DNAH3: variants seen among roughly 807,000 people sequenced by gnomAD.
DNAH3 encodes the protein dynein axonemal heavy chain 3.
In DNAH3, 332 loss-of-function variants were observed where a neutral mutation model predicts 432.5. That is an observed-to-expected ratio of 0.77 (90% CI 0.70 to 0.84). DNAH3 has a LOEUF of 0.84. Among genes scored for constraint, DNAH3 ranks in the 40% least tolerant of loss-of-function variants. The pLI, the probability that DNAH3 is intolerant of heterozygous loss-of-function variation, is 0.00. For synonymous variants in DNAH3, 1,956 were observed against 1,900.2 expected, an observed-to-expected ratio of 1.03 and a Z score of -0.76; for missense variants, 4,861 against 5,114.0, an observed-to-expected ratio of 0.95 and a Z score of 1.51.
chr16:20,954,930 T>C (rs1378848420), exon 55 of DNAH3: 1 of 1,614,052 alleles, frequency 6.2e-7, no homozygotes, highest in African/African-American at 1.3e-5. Flanking sequence ...GGATCTGAGA[T>C]GGGGTCATTG....
chr16:21,050,838 A>G (rs958211649), intron 29 of DNAH3, among the ~76,000 whole-genome samples: 2 of 152,220 alleles, frequency 1.3e-5, no homozygotes, highest in Non-Finnish European at 1.5e-5. Flanking sequence ...GGTGCAAGAT[A>G]AATGTTAGAA....
exon 31 of DNAH3, chr16:21,049,602 T>C: frequency 6.2e-7 from 1 of 1,614,158 alleles, no homozygotes. Context: ...AGCACGCCCA[T>C]GCTCCAGCCT....
intron 51 of DNAH3, among the ~76,000 whole-genome samples, chr16:20,971,310 G>GATTTC (rs368502253): frequency 4.6e-5 from 7 of 152,112 alleles, no homozygotes; most frequent in African/African-American, 1.7e-4. Flanking sequence ...TCCTAATATG[G>GATTTC]ATTTCATTTG....
chr16:21,039,812 A>T, intron 33 of DNAH3, 40 bp downstream of exon 33: 1 of 1,445,222 alleles, frequency 6.9e-7, no homozygotes, highest in Non-Finnish European at 9.7e-7. Context: ...GCCGCTATTT[A>T]AAGTCCTTTA....
chr16:21,045,103 G>A lies in DNAH3; in HGVS notation c.4462-2900C>T, dbSNP rs1270456140. Among the ~76,000 whole-genome samples, 704 of 151,930 alleles carry A rather than the reference G, an allele frequency of 4.6e-3. 5 individuals carry two copies. The highest frequency in any genetic ancestry group is 5.6e-3 in the Non-Finnish European group (380 of 67,864). On this transcript the variant is annotated intron_variant, in intron 31 of 61. Coordinates refer to ENST00000261383, the Ensembl canonical transcript of DNAH3. ...GTATTTTATTGAGGATTTTTGCATC[G>A]ATGTTCATCAAGGATATTGGTCTAA...
At chr16:21,127,370 G>GA (rs1197433412) in intron 8 of DNAH3, among the ~76,000 whole-genome samples, 1 of 147,642 alleles carries the variant, frequency 6.8e-6, no homozygotes, top group African/African-American at 2.5e-5. Flanking sequence ...GGCTAACACA[G>GA]TGAAACCCTG....
intron 26 of DNAH3, among the ~76,000 whole-genome samples, chr16:21,058,444 C>G (rs1040918154): frequency 6.6e-6 from 1 of 152,090 alleles, no homozygotes. Context: ...TCCCATTTAT[C>G]AAATTTTTCC....
chr16:21,095,763 T>C (rs1449184446), intron 18 of DNAH3, among the ~76,000 whole-genome samples: 1 of 152,164 alleles, frequency 6.6e-6, no homozygotes, highest in Non-Finnish European at 1.5e-5. Flanking sequence ...ACTTGGTAAT[T>C]TATAAATACT....
intron 9 of DNAH3, among the ~76,000 whole-genome samples, chr16:21,123,401 T>C (rs559172458): frequency 2.0e-5 from 3 of 152,314 alleles, no homozygotes; most frequent in Admixed American, 2.0e-4. Context: ...TACCTATAAA[T>C]TCCCCCCTAT....
chr16:20,983,989 T>C (rs2086045029), intron 48 of DNAH3, among the ~76,000 whole-genome samples: 1 of 141,698 alleles, frequency 7.1e-6, no homozygotes, highest in Non-Finnish European at 1.5e-5. Flanking sequence ...ACCACATCAC[T>C]GCACTCCAGC....
intron 44 of DNAH3, among the ~76,000 whole-genome samples, chr16:20,992,773 T>A (rs1018077272): frequency 1.3e-5 from 2 of 152,196 alleles, no homozygotes; most frequent in African/African-American, 4.8e-5. Context: ...AATAAGGTGG[T>A]CATTATTTCT....
At chr16:21,052,907 A>C (rs2090006987) in intron 28 of DNAH3, among the ~76,000 whole-genome samples, 1 of 152,174 alleles carries the variant, frequency 6.6e-6, no homozygotes, top group Non-Finnish European at 1.5e-5. Flanking sequence ...TATCCTTTCC[A>C]TCTGGGGGCC....
chr16:21,016,385 T>A (rs1028118740), intron 41 of DNAH3, among the ~76,000 whole-genome samples: 1 of 152,212 alleles, frequency 6.6e-6, no homozygotes, highest in Non-Finnish European at 1.5e-5. Context: ...AGAATTGTCA[T>A]CAAAATATTA....
At chr16:21,019,814 A>G (rs925980254) in exon 41 of DNAH3, 1 of 1,614,132 alleles carries the variant, frequency 6.2e-7, no homozygotes, top group Non-Finnish European at 8.5e-7. Context: ...AGATCTGTTG[A>G]CTTGACAGGC....
At chr16:21,119,816 T>C (rs1405757316) in intron 11 of DNAH3, among the ~76,000 whole-genome samples, 10 of 150,182 alleles carry the variant, frequency 6.7e-5, no homozygotes, top group Admixed American at 5.3e-4. Flanking sequence ...TAGGCTGGTA[T>C]TGAACTCCTG....
chr16:20,973,546 C>T (rs1018807378), intron 51 of DNAH3, among the ~76,000 whole-genome samples: 1 of 152,222 alleles, frequency 6.6e-6, no homozygotes, highest in Non-Finnish European at 1.5e-5. Flanking sequence ...AGCCACCTTT[C>T]CCGGCCCTAT....
At chr16:21,122,919 T>G (rs1453488631) in intron 9 of DNAH3, among the ~76,000 whole-genome samples, 1 of 152,170 alleles carries the variant, frequency 6.6e-6, no homozygotes, top group Non-Finnish European at 1.5e-5. Context: ...CCCAAAGTGC[T>G]GGGATTACAG....
rs1241547481 is a variant in DNAH3 at position 21,106,636 on chromosome 16, C to CAA, written c.2137_2138insTT (p.Ser713IlefsTer18). ...CTCCTTAGTGTTGGCAGGAACCTCACTGACTTTGTCTGCGATGTGGCTGTA... is the reference window on the plus strand; with the variant it reads ...CTCCTTAGTGTTGGCAGGAACCTCACAATGACTTTGTCTGCGATGTGGCTGTA... On this transcript the variant is annotated frameshift_variant, in exon 15 of 62. Coordinates refer to ENST00000261383, the Ensembl canonical transcript of DNAH3. LOFTEE classifies it high-confidence loss of function. The CAA allele has an allele frequency of 6.2e-7, 1 of 1,605,112 alleles. No homozygotes were observed. Among genetic ancestry groups the CAA allele is most frequent in the African/African-American group, 1.3e-5 (1 of 74,834 alleles).
At chr16:21,087,186 G>A in intron 18 of DNAH3, 126 bp from the exon 19 acceptor site, 2 of 786,380 alleles carry the variant, frequency 2.5e-6, no homozygotes, top group Non-Finnish European at 4.2e-6. Context: ...CAGGCTTTGA[G>A]GATCTGAAAC....
Sources: allele counts gnomAD v4.1 joint callset (sites outside exome capture counted in the v4.1 genomes callset), GRCh38; gene constraint gnomAD v4.1.1; transcripts MANE v1.5; gene names NCBI Gene and HGNC (gene_info 2026-07-23, HGNC 2026-07-21).